The following XYLT1 variants were observed in gnomAD, a reference collection of about 807,000 sequenced individuals.
The protein encoded by XYLT1 is xylosyltransferase 1, also known as beta-D-xylosyltransferase 1.
A neutral mutation model predicts 91.3 loss-of-function variants in XYLT1; 36 were observed. The ratio of observed to expected loss-of-function variants is 0.39; its 90% CI spans 0.30 to 0.52. The LOEUF is 0.52. Among genes scored for constraint, XYLT1 ranks in the 20% least tolerant of loss-of-function variants. The pLI is 0.68. For synonymous variants in XYLT1, 588 were observed against 532.0 expected, an observed-to-expected ratio of 1.11 and a Z score of -1.45; for missense variants, 1,242 against 1,284.5, an observed-to-expected ratio of 0.97 and a Z score of 0.51.
intron 1 of XYLT1, among the ~76,000 whole-genome samples, chr16:17,438,925 T>C (rs1246712029): frequency 6.6e-6 from 1 of 151,980 alleles, no homozygotes; most frequent in East Asian, 1.9e-4. Flanking sequence ...AGCCAAACCA[T>C]ATCAGCATCC....
In XYLT1 at chr16:17,134,569, A is replaced by G; in HGVS notation, c.1931T>C (p.Leu644Pro). The part of the protein sequence containing the change: ...VYDEPDGIHS[L>P]SDVTLTLYHS... ...GTACAAGGTGAGTGTCACGTCGCTC[A>G]GGCTGTGGATGCCGTCAGGCTCATC... is the stretch of plus-strand genomic sequence containing the variant. The change falls in exon 9 of 12, where the codon CTG (leucine) becomes CCG (proline). Residue 644 changes from leucine (L) to proline (P), a missense_variant. By Grantham distance (98) the Leu-to-Pro change is moderately conservative (BLOSUM62 -3). Transcript: ENST00000261381. 6.2e-7 allele frequency: 1 copy of G among 1,614,208 alleles called. No homozygotes were observed. Among genetic ancestry groups the G allele is most frequent in the Non-Finnish European group, 8.5e-7 (1 of 1,180,042 alleles).
chr16:17,167,830 C>T (rs956790789), intron 5 of XYLT1, among the ~76,000 whole-genome samples: 2 of 152,038 alleles, frequency 1.3e-5, no homozygotes, highest in Non-Finnish European at 2.9e-5. Context: ...TGGATTCTAA[C>T]TCATCCTTCC....
chr16:17,354,226 G>C (rs908757423), intron 2 of XYLT1, among the ~76,000 whole-genome samples: 3 of 152,126 alleles, frequency 2.0e-5, no homozygotes, highest in African/African-American at 4.8e-5. Flanking sequence ...CTGCCGAGCC[G>C]GGAAGCTGAC....
rs377139985 is a variant in XYLT1, at chr16:17,387,404, C to G, written c.364-29354G>C. 8.5e-5 allele frequency among the ~76,000 whole-genome samples: 13 copies of G among 152,294 alleles called. No individual in the cohort carries two copies. The East Asian group carries it at 1.7e-3, about 20-fold the overall frequency. ...AAAAATGGGGATATTCGCCACCCCC[C>G]ACCTCCCTCAGCAGGGAAGCACTAG... On this transcript the variant is annotated intron_variant, in intron 1 of 11. Coordinates refer to ENST00000261381, the MANE Select transcript of XYLT1 (RefSeq NM_022166.4).
At chr16:17,422,641 G>A (rs961681848) in intron 1 of XYLT1, among the ~76,000 whole-genome samples, 1 of 152,144 alleles carries the variant, frequency 6.6e-6, no homozygotes, top group African/African-American at 2.4e-5. Context: ...CCAAGTAGCT[G>A]GCATTAAAGG....
chr16:17,249,188 G>T (rs964108838), intron 3 of XYLT1, among the ~76,000 whole-genome samples: 3 of 152,132 alleles, frequency 2.0e-5, no homozygotes, highest in African/African-American at 4.8e-5. Flanking sequence ...GTTGAATGAG[G>T]GTATATTGAA....
intron 1 of XYLT1, among the ~76,000 whole-genome samples, chr16:17,397,219 T>C (rs1219698271): frequency 6.6e-6 from 1 of 152,140 alleles, no homozygotes; most frequent in Non-Finnish European, 1.5e-5. Context: ...TTCAGAGTTA[T>C]TGAGGAGGAT....
At chr16:17,436,330 A>C (rs2036458542) in intron 1 of XYLT1, among the ~76,000 whole-genome samples, 1 of 152,216 alleles carries the variant, frequency 6.6e-6, no homozygotes, top group African/African-American at 2.4e-5. Context: ...GACTTGCCCA[A>C]GGTCATACAG....
intron 5 of XYLT1, among the ~76,000 whole-genome samples, chr16:17,192,073 G>A (rs796330449): frequency 8.0e-5 from 12 of 150,588 alleles, no homozygotes; most frequent in South Asian, 6.3e-4. Flanking sequence ...AGTGTGAGGC[G>A]TGAGGTCTCT....
intron 2 of XYLT1, among the ~76,000 whole-genome samples, chr16:17,314,511 A>C (rs1276557524): frequency 6.6e-6 from 1 of 152,200 alleles, no homozygotes; most frequent in African/African-American, 2.4e-5. Flanking sequence ...TCCTCCATGA[A>C]TGGCAGCCAT....
At chr16:17,113,251 C>T (rs1966845885) in intron 11 of XYLT1, among the ~76,000 whole-genome samples, 1 of 152,158 alleles carries the variant, frequency 6.6e-6, no homozygotes, top group Non-Finnish European at 1.5e-5. Context: ...AAGCGATTCT[C>T]ATGCCTCAGC....
chr16:17,207,262 G>A (rs1045491287), intron 3 of XYLT1, among the ~76,000 whole-genome samples: 3 of 152,078 alleles, frequency 2.0e-5, no homozygotes, highest in Non-Finnish European at 1.5e-5. Flanking sequence ...GTTTCACCGT[G>A]TTGGCTGGGT....
chr16:17,436,009 T>C (rs2036454684), intron 1 of XYLT1, among the ~76,000 whole-genome samples: 1 of 152,164 alleles, frequency 6.6e-6, no homozygotes, highest in Admixed American at 6.5e-5. Context: ...TGGAGATAAC[T>C]GAATCATGGG....
intron 1 of XYLT1, among the ~76,000 whole-genome samples, chr16:17,469,592 T>A (rs1328683881): frequency 6.6e-6 from 1 of 152,060 alleles, no homozygotes; most frequent in Non-Finnish European, 1.5e-5. Flanking sequence ...GCCCCAGATC[T>A]GCGGAAAAAA....
chr16:17,385,232 C>T (rs2035732347), intron 1 of XYLT1, among the ~76,000 whole-genome samples: 2 of 150,476 alleles, frequency 1.3e-5, no homozygotes, highest in Non-Finnish European at 2.9e-5. Flanking sequence ...GAGGCCCCCG[C>T]TGCCTGCCCC....
At chr16:17,384,133 G>A (rs1211188987) in intron 1 of XYLT1, among the ~76,000 whole-genome samples, 1 of 151,784 alleles carries the variant, frequency 6.6e-6, no homozygotes, top group Non-Finnish European at 1.5e-5. Context: ...GGGGGTTGCT[G>A]GGAGGATCAC....
intron 2 of XYLT1, among the ~76,000 whole-genome samples, chr16:17,324,137 T>G (rs978529900): frequency 6.6e-6 from 1 of 151,854 alleles, no homozygotes; most frequent in Non-Finnish European, 1.5e-5. Context: ...GATTGCTAAT[T>G]CTCTCTCCAC....
At chr16:17,434,798 T>C (rs2036434158) in intron 1 of XYLT1, among the ~76,000 whole-genome samples, 1 of 151,776 alleles carries the variant, frequency 6.6e-6, no homozygotes. Context: ...AGTTCAGGAG[T>C]TCAGGGCTAT....
At chr16:17,320,275 G>A (rs1287622847) in intron 2 of XYLT1, among the ~76,000 whole-genome samples, 1 of 152,174 alleles carries the variant, frequency 6.6e-6, no homozygotes, top group Non-Finnish European at 1.5e-5. Flanking sequence ...AGCACAGCAG[G>A]TGCTCAATAA....
Sources: allele counts gnomAD v4.1 joint callset (sites outside exome capture counted in the v4.1 genomes callset), GRCh38; gene constraint gnomAD v4.1.1; transcripts MANE v1.5; gene names NCBI Gene and HGNC (gene_info 2026-07-23, HGNC 2026-07-21).